Variants in SEC16B observed in about 807,000 individuals in gnomAD.
SEC16B encodes SEC16 homolog B, endoplasmic reticulum export factor.
In SEC16B, 115 loss-of-function variants were observed where a neutral mutation model predicts 141.8. The observed-to-expected ratio is 0.81, with a 90% CI of 0.70 to 0.95. The LOEUF (loss-of-function observed/expected upper bound fraction) is 0.95. Among genes scored for constraint, SEC16B ranks in the 40% least tolerant of loss-of-function variants. SEC16B has a pLI of 0.00. For missense variants in SEC16B, 1,291 were observed against 1,312.3 expected, an observed-to-expected ratio of 0.98 and a Z score of 0.25; for synonymous variants, 493 against 492.5, an observed-to-expected ratio of 1.00 and a Z score of -0.01.
At chr1:177,967,589 G>T in intron 2 of SEC16B, 94 bp downstream of exon 2, 1 of 1,285,064 alleles carries the variant, frequency 7.8e-7, no homozygotes, top group Non-Finnish European at 1.1e-6. Context: ...AGAAAAAAGG[G>T]GGAGAAAAAT....
At chr1:177,932,886 C>T in intron 22 of SEC16B, 80 bp from the exon 23 acceptor site, 4 of 1,361,024 alleles carry the variant, frequency 2.9e-6, no homozygotes, top group Non-Finnish European at 4.1e-6. Flanking sequence ...TGTTCCCACA[C>T]TCACGATGGC....
rs755674330 is a variant in SEC16B at position 177,960,339 on chromosome 1, T to C, written c.998+3A>G. ...TTACTCAGCAGCTCTTACAGCACTA[T>C]ACCTAATCAAGGGTCCTGAGAAACT... On this transcript the variant is annotated splice_donor_region_variant and intron_variant, in intron 8 of 25. Transcript: ENST00000308284. 1.3e-6 allele frequency: 2 copies of C among 1,589,172 alleles called. No homozygotes were observed. The highest frequency in any genetic ancestry group is 1.1e-5 in the South Asian group (1 of 89,112).
intron 6 of SEC16B, 133 bp downstream of exon 6, chr1:177,961,456 CT>C: frequency 1.1e-6 from 1 of 883,162 alleles, no homozygotes; most frequent in South Asian, 1.9e-5. Context: ...CAAAGTTGAC[CT>C]CTCTGCCCAG....
rs1353302664 is a variant in SEC16B, at chr1:177,961,817, A to G, written c.643-83T>C. ...GCGTTCCTTCAAAGAAACAAAATAC[A>G]TACGGTGAAAGTGGATGTGTTGAAA... On this transcript the variant is annotated intron_variant, in intron 5 of 25. Transcript: ENST00000308284. 4 of 1,264,600 alleles carry G rather than the reference A, an allele frequency of 3.2e-6. No homozygotes were observed. The East Asian group carries it at 9.5e-5, about 30-fold the overall frequency. 78.3% of individuals were successfully genotyped at this position (1,264,600 alleles called of 1,614,324 possible).
intron 11 of SEC16B, 46 bp from the exon 12 acceptor site, chr1:177,952,041 CTT>C (rs1426554961): frequency 8.6e-6 from 13 of 1,511,786 alleles, no homozygotes; most frequent in Non-Finnish European, 1.2e-5. Flanking sequence ...CAGGGAACCT[CTT>C]TACCCATTGC....
At chr1:177,963,997 T>C (rs1029126370) in intron 5 of SEC16B, among the ~76,000 whole-genome samples, 174 bp downstream of exon 5, 1 of 151,958 alleles carries the variant, frequency 6.6e-6, no homozygotes, top group Non-Finnish European at 1.5e-5. Flanking sequence ...ACTGAGGCAG[T>C]AAGGAGGGAA....
chr1:177,932,530 G>T lies in SEC16B; in HGVS notation c.2972C>A (p.Ala991Glu). Reference sequence around the variant, plus strand: ...GCCTCCAACCCCAGCGCCCGCAGCTGCTCCCCCGCTGGATGCGGATCCTCG... The same window carrying T: ...GCCTCCAACCCCAGCGCCCGCAGCTTCTCCCCCGCTGGATGCGGATCCTCG... The part of the protein sequence containing the change: ...EGRGSASSGG[A>E]AAGAGVGGLS... The change falls in exon 24 of 26, where the codon GCA becomes GAA. Residue 991 changes from alanine to glutamate, a missense_variant. Physicochemically the swap from Ala to Glu is moderately radical, Grantham distance 107 (BLOSUM62 -1). Coordinates refer to ENST00000308284, the MANE Select transcript of SEC16B (RefSeq NM_033127.4). 6.4e-7 allele frequency: 1 copy of T among 1,559,624 alleles called. No individual in the cohort carries two copies. Among genetic ancestry groups the T allele is most frequent in the Non-Finnish European group, 8.7e-7 (1 of 1,152,356 alleles).
intron 16 of SEC16B, 80 bp from the exon 17 acceptor site, chr1:177,940,794 C>A: frequency 4.6e-6 from 4 of 872,990 alleles, no homozygotes; most frequent in South Asian, 3.4e-5. Flanking sequence ...GGAAAGACAA[C>A]GGGGAAGAGA....
At chr1:177,950,040 T>G (rs1652047528) in intron 12 of SEC16B, among the ~76,000 whole-genome samples, 1 of 151,960 alleles carries the variant, frequency 6.6e-6, no homozygotes, top group Non-Finnish European at 1.5e-5. Flanking sequence ...CACAGGCCAT[T>G]CCACTGAATT....
intron 1 of SEC16B, among the ~76,000 whole-genome samples, chr1:177,983,712 T>C (rs560029034): frequency 4.5e-4 from 68 of 152,310 alleles, no homozygotes; most frequent in Non-Finnish European, 8.2e-4. Flanking sequence ...TAGCCATCTA[T>C]ATAGCTTGAG....
intron 10 of SEC16B, among the ~76,000 whole-genome samples, chr1:177,955,263 A>T (rs574812240): frequency 1.3e-5 from 2 of 151,382 alleles, no homozygotes; most frequent in Admixed American, 6.6e-5. Context: ...TGGGAGGTGG[A>T]GGGAGAGGAT....
intron 1 of SEC16B, among the ~76,000 whole-genome samples, chr1:177,982,369 A>G (rs1654454499): frequency 6.6e-6 from 1 of 152,214 alleles, no homozygotes; most frequent in African/African-American, 2.4e-5. Flanking sequence ...TGGTAGTTCC[A>G]GAGGAGGCTT....
At position 177,960,894 on chromosome 1, in the gene SEC16B, G is replaced by A; in HGVS notation, c.833C>T (p.Pro278Leu). ...GPKAPMKFYI[P>L]HVPVSFGPGG... ...TGGCCCGAAACTCACAGGAACATGA[G>A]GGATGTAGAACTTCATGGGTGCTTT... Residue 278 changes from proline to leucine, a missense_variant, in exon 7 of 26, where the codon CCT (proline) becomes CTT (leucine). By Grantham distance (98) the Pro-to-Leu change is moderately conservative. This residue lies in a region of SEC16B where 681 missense variants were observed against 675.5 expected (regional missense o/e 1.01). Coordinates refer to ENST00000308284, the MANE Select transcript of SEC16B (RefSeq NM_033127.4). 1 of 1,613,968 alleles carries A rather than the reference G, an allele frequency of 6.2e-7. No individual in the cohort carries two copies. The highest frequency in any genetic ancestry group is 8.5e-7 in the Non-Finnish European group (1 of 1,179,854).
intron 15 of SEC16B, among the ~76,000 whole-genome samples, chr1:177,944,103 G>A (rs970096857): frequency 3.3e-5 from 5 of 152,346 alleles, no homozygotes; most frequent in East Asian, 3.9e-4. Context: ...GGGTGAGGGC[G>A]GAGGTAGAGG....
At chr1:177,947,370 G>A (rs1314173935) in intron 13 of SEC16B, among the ~76,000 whole-genome samples, 2 of 152,058 alleles carry the variant, frequency 1.3e-5, no homozygotes, top group Non-Finnish European at 2.9e-5. Flanking sequence ...ATTGAACTGG[G>A]TCACTGAGAA....
intron 5 of SEC16B, among the ~76,000 whole-genome samples, chr1:177,962,706 G>A (rs886216591): frequency 6.6e-6 from 1 of 151,960 alleles, no homozygotes; most frequent in Non-Finnish European, 1.5e-5. Context: ...TGATCATGCT[G>A]TTACACTCCA....
At chr1:177,947,430 G>A (rs1651795007) in intron 13 of SEC16B, among the ~76,000 whole-genome samples, 1 of 152,068 alleles carries the variant, frequency 6.6e-6, no homozygotes, top group African/African-American at 2.4e-5. Flanking sequence ...TCCATCCACA[G>A]GGGAATCTGA....
chr1:177,950,404 T>C (rs1363493225), intron 12 of SEC16B, among the ~76,000 whole-genome samples: 5 of 152,172 alleles, frequency 3.3e-5, no homozygotes, highest in Non-Finnish European at 7.3e-5. Flanking sequence ...TCGGATGGCC[T>C]GGAATATGGC....
At chr1:177,977,188 CAT>C (rs541347243) in intron 1 of SEC16B, among the ~76,000 whole-genome samples, 17 of 152,300 alleles carry the variant, frequency 1.1e-4, no homozygotes, top group South Asian at 2.1e-4. Flanking sequence ...TTCACACACA[CAT>C]ACCCTGTACC....
Sources: allele counts gnomAD v4.1 joint callset (sites outside exome capture counted in the v4.1 genomes callset), GRCh38; gene constraint gnomAD v4.1.1; regional missense constraint gnomAD v4.1.1; transcripts MANE v1.5; gene names NCBI Gene and HGNC (gene_info 2026-07-23, HGNC 2026-07-21).